The following ITGA8 variants were observed in gnomAD, a reference collection of about 807,000 sequenced individuals.
ITGA8 encodes integrin alpha-8.
A neutral mutation model predicts 142.3 loss-of-function variants in ITGA8; 91 were observed. That is an observed-to-expected ratio of 0.64 (90% CI 0.54 to 0.76). ITGA8 has a LOEUF of 0.76. Among genes scored for constraint, ITGA8 ranks in the 30% least tolerant of loss-of-function variants. The pLI, the probability that ITGA8 is intolerant of heterozygous loss-of-function variation, is 0.00. For synonymous variants in ITGA8, 505 were observed against 485.2 expected (o/e 1.04, Z -0.54); for missense variants, 1,406 against 1,327.7 (o/e 1.06, Z -0.92).
At chr10:15,678,319 A>G (rs1834670835) in intron 5 of ITGA8, among the ~76,000 whole-genome samples, 1 of 152,168 alleles carries the variant, frequency 6.6e-6, no homozygotes. Flanking sequence ...ATTTTTTGAA[A>G]GGATATATGA....
Position 15,617,065 on chromosome 10 carries a change from A to C in ITGA8, c.1400-506T>G, listed in dbSNP as rs182467101. On this transcript the variant is annotated intron_variant, in intron 13 of 29. Coordinates refer to ENST00000378076, the MANE Select transcript of ITGA8 (RefSeq NM_003638.3). ...TGAGTATACTTTTGGCAAAGCAATC[A>C]GTAGTATATAAAATAACTAACATAT... 9.3e-5 allele frequency among the ~76,000 whole-genome samples: 14 copies of C among 151,120 alleles called. No homozygotes were observed. The East Asian group carries it at 2.7e-3, about 29-fold the overall frequency.
rs753583000 is a variant in ITGA8, at chr10:15,719,684, A to G, written c.88T>C (p.Leu30=). The change falls in exon 1 of 30, where the codon TTG becomes CTG. Residue 30 remains leucine (L), a synonymous_variant. Coordinates refer to ENST00000378076, the MANE Select transcript of ITGA8 (RefSeq NM_003638.3). ...GCCTGACAGGCGGGGGACCACAGCA[A>G]CATCCCCAGCGCGGCCGCGGCGCAG... ...LCCAAAALGM[L]LWSPACQAFN... is the part of the protein sequence containing the mutation. 7.4e-6 allele frequency: 11 copies of G among 1,484,128 alleles called. No homozygotes were observed. The Admixed American group carries it at 8.4e-5, about 11-fold the overall frequency. The allele number at this position is 1,484,128 out of a possible 1,614,324, so 91.9% of individuals were successfully genotyped here.
rs3737303 is a variant in ITGA8 at position 15,597,546 on chromosome 10, A to G, written c.2119-247T>C. On this transcript the variant is annotated intron_variant, in intron 20 of 29. Coordinates refer to ENST00000378076, the MANE Select transcript of ITGA8 (RefSeq NM_003638.3). ...TGTGTTTCATTAAGGAAGACAATGCATAATATAGTATTTATATAAATAGCT... is the reference window on the plus strand; with the variant it reads ...TGTGTTTCATTAAGGAAGACAATGCGTAATATAGTATTTATATAAATAGCT... 0.05 allele frequency among the ~76,000 whole-genome samples: 7,634 copies of G among 152,280 alleles called. 318 individuals are homozygous for G. Among genetic ancestry groups the G allele is most frequent in the African/African-American group, 0.1 (4,276 of 41,534 alleles).
At chr10:15,573,251 C>T (rs1225610432) in intron 24 of ITGA8, among the ~76,000 whole-genome samples, 2 of 152,128 alleles carry the variant, frequency 1.3e-5, no homozygotes, top group Non-Finnish European at 2.9e-5. Flanking sequence ...TTGCTTTTTG[C>T]ACTACCAGTA....
intron 27 of ITGA8, among the ~76,000 whole-genome samples, chr10:15,534,979 G>GT (rs1833392457): frequency 6.6e-6 from 1 of 152,192 alleles, no homozygotes; most frequent in African/African-American, 2.4e-5. Flanking sequence ...GGAGAGGCAC[G>GT]GGGGGAGAGG....
intron 13 of ITGA8, among the ~76,000 whole-genome samples, chr10:15,632,930 C>T (rs1833709587): frequency 6.6e-6 from 1 of 152,080 alleles, no homozygotes; most frequent in African/African-American, 2.4e-5. Flanking sequence ...AATCTCCAGA[C>T]ACCTCCAGCT....
intron 27 of ITGA8, among the ~76,000 whole-genome samples, chr10:15,532,153 G>A (rs1029573322): frequency 6.6e-6 from 1 of 151,838 alleles, no homozygotes; most frequent in Non-Finnish European, 1.5e-5. Context: ...GATGCCGGCC[G>A]GGCGTGGTGG....
Position 15,570,152 on chromosome 10 carries a change from A to G in ITGA8, c.2637+2059T>C, listed in dbSNP as rs186744064. 6.6e-5 allele frequency among the ~76,000 whole-genome samples: 10 copies of G among 152,336 alleles called. No homozygotes were observed. In the East Asian group the frequency reaches 1.9e-3, roughly 29 times the overall value. ...AATTTAGAATTTCAAAAATTCACAA[A>G]TTGCTATGATTAGTTATTTAAGGGA... On this transcript the variant is annotated intron_variant, in intron 25 of 29. Transcript: ENST00000378076.
intron 27 of ITGA8, among the ~76,000 whole-genome samples, chr10:15,534,557 C>G (rs80225572): frequency 0.13 from 20,132 of 152,186 alleles, 1,460 homozygotes; most frequent in Middle Eastern, 0.19. Flanking sequence ...GACCCTCCCA[C>G]TCCATGTACC....
intron 20 of ITGA8, among the ~76,000 whole-genome samples, chr10:15,602,511 G>A (rs550020032): frequency 6.6e-6 from 1 of 152,156 alleles, no homozygotes; most frequent in Non-Finnish European, 1.5e-5. Context: ...GCCAAGGTGG[G>A]TGGACCGCCT....
chr10:15,573,502 C>A (rs1020040819), intron 24 of ITGA8, among the ~76,000 whole-genome samples: 1 of 151,510 alleles, frequency 6.6e-6, no homozygotes, highest in Non-Finnish European at 1.5e-5. Flanking sequence ...GAGCTTAAGG[C>A]AAAGCTTTGA....
chr10:15,670,021 C>A (rs898165616), intron 8 of ITGA8, among the ~76,000 whole-genome samples: 3 of 152,144 alleles, frequency 2.0e-5, no homozygotes, highest in South Asian at 2.1e-4. Flanking sequence ...GCTGGGAGAA[C>A]CACTACTCTC....
intron 26 of ITGA8, among the ~76,000 whole-genome samples, chr10:15,549,971 T>G (rs764565): frequency 0.13 from 20,155 of 152,128 alleles, 1,472 homozygotes; most frequent in Middle Eastern, 0.18. Flanking sequence ...GTGCTGATGT[T>G]GTTTGGCTAT....
At chr10:15,644,433 A>AACAT (rs1222711473) in intron 12 of ITGA8, among the ~76,000 whole-genome samples, 20 of 42,456 alleles carry the variant, frequency 4.7e-4, no homozygotes, top group South Asian at 1.1e-3. Context: ...ATGTCAGGCT[A>AACAT]ATATATATAT....
At chr10:15,645,946 G>C (rs769713638) in intron 12 of ITGA8, among the ~76,000 whole-genome samples, 1 of 152,166 alleles carries the variant, frequency 6.6e-6, no homozygotes, top group African/African-American at 2.4e-5. Flanking sequence ...TGAAACTAAG[G>C]TGAAGCCTAC....
At chr10:15,613,576 A>C in intron 15 of ITGA8, 84 bp downstream of exon 15, 1 of 982,998 alleles carries the variant, frequency 1.0e-6, no homozygotes, top group Non-Finnish European at 1.6e-6. Flanking sequence ...CCCCAGACTT[A>C]CTGAATCCAA....
At chr10:15,668,430 G>C (rs1348928789) in intron 8 of ITGA8, among the ~76,000 whole-genome samples, 2 of 149,116 alleles carry the variant, frequency 1.3e-5, no homozygotes, top group African/African-American at 2.4e-5. Flanking sequence ...CGTGAGATGG[G>C]TTTCCTGAAT....
chr10:15,689,124 A>G (rs182167986), intron 2 of ITGA8, among the ~76,000 whole-genome samples: 2 of 152,362 alleles, frequency 1.3e-5, no homozygotes, highest in East Asian at 1.9e-4. Context: ...TTTGAAAATG[A>G]TAAACAAATC....
chr10:15,532,053 G>T lies in ITGA8; in HGVS notation c.2881-902C>A, dbSNP rs35609059. On this transcript the variant is annotated intron_variant, in intron 27 of 29. Coordinates refer to ENST00000378076, the MANE Select transcript of ITGA8 (RefSeq NM_003638.3). ...TCTGAGTTAGGGTGGGGGTGGGGGG[G>T]CCTGTCCTCTGCATTGTAGGATGTT... Among the ~76,000 whole-genome samples the T allele has an allele frequency of 7.4e-3, 1,102 of 148,562 alleles. 7 individuals carry two copies. Among genetic ancestry groups the T allele is most frequent in the Non-Finnish European group, 0.012 (792 of 66,900 alleles).
Sources: gnomAD v4.1 joint callset for allele counts (sites outside exome capture counted in the v4.1 genomes callset) on GRCh38, gnomAD v4.1.1 for gene constraint, MANE v1.5 for transcripts, NCBI Gene and HGNC (gene_info 2026-07-23, HGNC 2026-07-21) for gene names.